SARDH: variants seen among roughly 807,000 people sequenced by gnomAD.
SARDH encodes sarcosine dehydrogenase, mitochondrial.
In SARDH, 95 loss-of-function variants were observed where a neutral mutation model predicts 109.1. The ratio of observed to expected loss-of-function variants is 0.87; its 90% CI spans 0.74 to 1.03. The LOEUF (loss-of-function observed/expected upper bound fraction) is 1.03. Among genes scored for constraint, SARDH ranks in the 50% least tolerant of loss-of-function variants. The probability of loss-of-function intolerance (pLI) is 0.00; values close to 1 mark genes in which losing one functional copy is unlikely to be tolerated. For missense variants in SARDH, 1,267 were observed against 1,287.8 expected (o/e 0.98, Z 0.25); for synonymous variants, 572 against 534.8 (o/e 1.07, Z -0.96).
chr9:133,670,572 C>T lies in SARDH; in HGVS notation c.2495+12G>A, dbSNP rs1016976774. 5.1e-6 allele frequency: 8 copies of T among 1,565,788 alleles called. No individual in the cohort carries two copies. The highest frequency in any genetic ancestry group is 3.5e-5 in the South Asian group (3 of 85,188). Reference sequence around the variant, plus strand: ...TTGCTTCCGGGTGGGCGTGGAACAGCGGGATACTCACTCCTCCATGGTGAA... The same window carrying T: ...TTGCTTCCGGGTGGGCGTGGAACAGTGGGATACTCACTCCTCCATGGTGAA... On this transcript the variant is annotated intron_variant, in intron 19 of 20. Coordinates refer to ENST00000439388, the MANE Select transcript of SARDH (RefSeq NM_001134707.2).
intron 8 of SARDH, among the ~76,000 whole-genome samples, chr9:133,714,772 C>T (rs1259954327): frequency 1.3e-5 from 2 of 152,008 alleles, no homozygotes; most frequent in Non-Finnish European, 2.9e-5. Context: ...ACAGCAAGAC[C>T]TTTAAAAAAG....
chr9:133,738,932 A>G (rs372285379), upstream of SARDH, among the ~76,000 whole-genome samples: 12 of 152,178 alleles, frequency 7.9e-5, no homozygotes, highest in African/African-American at 2.2e-4. Flanking sequence ...GATGCCCCCA[A>G]GCCACTGGCT....
Position 133,737,913 on chromosome 9 carries a change from G to C in SARDH, c.-31+341C>G, listed in dbSNP as rs907769410. ...CTTGGGATCAGACAGATGGGTGGGG[G>C]TTTTGTCACAGGACTGGGGCCTCGA... On this transcript the variant is annotated intron_variant, in intron 1 of 20. Coordinates refer to ENST00000439388, the MANE Select transcript of SARDH (RefSeq NM_001134707.2). Among the ~76,000 whole-genome samples, 7 of 152,360 alleles carry C rather than the reference G, an allele frequency of 4.6e-5. No homozygotes were observed. The East Asian group carries it at 9.6e-4, about 21-fold the overall frequency.
intron 11 of SARDH, 99 bp from the exon 12 acceptor site, chr9:133,705,130 G>C: frequency 1.7e-6 from 2 of 1,202,500 alleles, no homozygotes; most frequent in Non-Finnish European, 2.4e-6. Context: ...AGGGTGCGGA[G>C]AGCAAGGAGG....
At position 133,703,034 on chromosome 9, in the gene SARDH, G is replaced by A; in HGVS notation, c.1555-5C>T. 6.2e-7 allele frequency: 1 copy of A among 1,611,240 alleles called. No homozygotes were observed. Among genetic ancestry groups the A allele is most frequent in the Non-Finnish European group, 8.5e-7 (1 of 1,179,118 alleles). Reference sequence around the variant, plus strand: ...GTAGTAGTCGTACTCGAGGACCTGGGAAGAAAAGACGTGGTCCTCAGCCTG... The same window carrying A: ...GTAGTAGTCGTACTCGAGGACCTGGAAAGAAAAGACGTGGTCCTCAGCCTG... On this transcript the variant is annotated splice_region_variant and splice_polypyrimidine_tract_variant and intron_variant, in intron 12 of 20. Coordinates refer to ENST00000439388, the MANE Select transcript of SARDH (RefSeq NM_001134707.2).
At chr9:133,699,301 G>A (rs1360927768) in intron 13 of SARDH, among the ~76,000 whole-genome samples, 1 of 152,048 alleles carries the variant, frequency 6.6e-6, no homozygotes. Flanking sequence ...GAGGTCTGGA[G>A]TTTGAGACCA....
At chr9:133,723,210 A>C (rs1832384551) in intron 6 of SARDH, among the ~76,000 whole-genome samples, 1 of 152,214 alleles carries the variant, frequency 6.6e-6, no homozygotes, top group African/African-American at 2.4e-5. Context: ...AACACACCCC[A>C]AATTGATCCA....
chr9:133,676,158 A>T (rs756945652), intron 17 of SARDH, among the ~76,000 whole-genome samples: 15 of 152,142 alleles, frequency 9.9e-5, no homozygotes, highest in Non-Finnish European at 1.8e-4. Context: ...ATCCACATGA[A>T]GGAATGTTAT....
intron 17 of SARDH, among the ~76,000 whole-genome samples, chr9:133,683,825 C>G (rs757173345): frequency 3.3e-5 from 5 of 152,228 alleles, no homozygotes; most frequent in Non-Finnish European, 7.3e-5. Context: ...TAGCATTTCC[C>G]CACCCAAACC....
chr9:133,714,557 T>C (rs694357), intron 8 of SARDH, among the ~76,000 whole-genome samples: 38 of 151,980 alleles, frequency 2.5e-4, no homozygotes, highest in Non-Finnish European at 4.7e-4. Flanking sequence ...GGCAGGCGGA[T>C]GTCTGGAGCC....
At position 133,732,416 on chromosome 9, in the gene SARDH, C is replaced by G; in HGVS notation, c.510+7G>C. ...CCCCTCCTTGCCCCCCGCAGGGGAGCACACACCGACATGAGCCTCTTGTAC... is the reference window on the plus strand; with the variant it reads ...CCCCTCCTTGCCCCCCGCAGGGGAGGACACACCGACATGAGCCTCTTGTAC... On this transcript the variant is annotated splice_region_variant and intron_variant, in intron 3 of 20. Transcript: ENST00000439388. 1 of 1,222,830 alleles carries G rather than the reference C, an allele frequency of 8.2e-7. No individual in the cohort carries two copies. The highest frequency in any genetic ancestry group is 1.1e-6 in the Non-Finnish European group (1 of 894,716). The allele number at this position is 1,222,830 out of a possible 1,614,324, so 75.7% of individuals were successfully genotyped here.
chr9:133,720,157 T>C (rs549002569), intron 6 of SARDH, among the ~76,000 whole-genome samples: 1 of 152,134 alleles, frequency 6.6e-6, no homozygotes, highest in Non-Finnish European at 1.5e-5. Flanking sequence ...CCAGGCACTG[T>C]GGCTCACACC....
chr9:133,673,827 A>T (rs533314641), intron 17 of SARDH, among the ~76,000 whole-genome samples: 40 of 152,164 alleles, frequency 2.6e-4, no homozygotes, highest in Admixed American at 5.2e-4. Context: ...CGGCCCTCCA[A>T]TTGCGGATCC....
chr9:133,736,725 G>A (rs751472199), intron 1 of SARDH, among the ~76,000 whole-genome samples: 5 of 152,166 alleles, frequency 3.3e-5, no homozygotes, highest in Non-Finnish European at 7.4e-5. Flanking sequence ...AGTTAAGAAC[G>A]GAGGTCTCAC....
intron 13 of SARDH, among the ~76,000 whole-genome samples, chr9:133,700,715 G>GCACA (rs533474645): frequency 7.2e-6 from 1 of 139,406 alleles, no homozygotes; most frequent in East Asian, 2.1e-4. Flanking sequence ...TGTTTTCAAA[G>GCACA]CACACACACA....
At chr9:133,703,665 A>AC (rs1219876838) in intron 12 of SARDH, 2 of 122,534 alleles carry the variant, frequency 1.6e-5, no homozygotes, top group Non-Finnish European at 3.5e-5. Flanking sequence ...ACAACCCCCC[A>AC]CCCCGCCACC....
chr9:133,700,628 G>A (rs1330337215), intron 13 of SARDH, among the ~76,000 whole-genome samples: 1 of 152,102 alleles, frequency 6.6e-6, no homozygotes, highest in Non-Finnish European at 1.5e-5. Context: ...ACAATCCCGT[G>A]AACTCACTAA....
At chr9:133,679,874 G>A (rs1222779052) in intron 17 of SARDH, among the ~76,000 whole-genome samples, 1 of 152,222 alleles carries the variant, frequency 6.6e-6, no homozygotes, top group Non-Finnish European at 1.5e-5. Flanking sequence ...CGGGGCCCGG[G>A]TCTGCAGCTC....
At chr9:133,676,059 C>G (rs1830499755) in intron 17 of SARDH, among the ~76,000 whole-genome samples, 1 of 151,734 alleles carries the variant, frequency 6.6e-6, no homozygotes, top group African/African-American at 2.4e-5. Flanking sequence ...CCGCTGCACT[C>G]CAGCCTGGGT....
Sources: gnomAD v4.1 joint callset for allele counts (sites outside exome capture counted in the v4.1 genomes callset) on GRCh38, gnomAD v4.1.1 for gene constraint, MANE v1.5 for transcripts, NCBI Gene and HGNC (gene_info 2026-07-23, HGNC 2026-07-21) for gene names.